The following PSD3 variants were observed in gnomAD, a reference collection of about 807,000 sequenced individuals.
PSD3 encodes PH and SEC7 domain-containing protein 3.
In PSD3, 49 loss-of-function variants were observed where a neutral mutation model predicts 105.5. The observed-to-expected ratio is 0.46, with a 90% confidence interval of 0.37 to 0.59. The LOEUF (loss-of-function observed/expected upper bound fraction) is 0.59. Among genes scored for constraint, PSD3 ranks in the 20% least tolerant of loss-of-function variants. PSD3 has a pLI of 0.00. For synonymous variants in PSD3, 557 were observed against 457.8 expected (o/e 1.22, Z -2.77); for missense variants, 1,561 against 1,263.8 (o/e 1.24, Z -3.57).
intron 9 of PSD3, among the ~76,000 whole-genome samples, chr8:18,745,522 CT>C (rs1804936588): frequency 6.6e-6 from 1 of 152,228 alleles, no homozygotes; most frequent in Admixed American, 6.5e-5. Flanking sequence ...TGAGCACTTA[CT>C]TTCTGGCACC....
intron 8 of PSD3, chr8:18,786,930 A>C (rs1186543662): frequency 3.9e-5 from 6 of 152,242 alleles, no homozygotes; most frequent in Non-Finnish European, 7.3e-5. Flanking sequence ...CCTTCCACTC[A>C]GGCGTTTATA....
At chr8:18,925,580 A>T (rs958762439) in intron 2 of PSD3, among the ~76,000 whole-genome samples, 2 of 152,164 alleles carry the variant, frequency 1.3e-5, no homozygotes, top group Admixed American at 1.3e-4. Flanking sequence ...GTGCCAACGT[A>T]ACACAAGCGG....
intron 2 of PSD3, among the ~76,000 whole-genome samples, chr8:18,909,385 G>T (rs1336193243): frequency 1.3e-5 from 2 of 152,106 alleles, no homozygotes; most frequent in Non-Finnish European, 2.9e-5. Context: ...ACAAAATATT[G>T]TTGCATAAAG....
At chr8:18,985,028 G>A (rs1825432474) in intron 1 of PSD3, among the ~76,000 whole-genome samples, 1 of 152,194 alleles carries the variant, frequency 6.6e-6, no homozygotes, top group African/African-American at 2.4e-5. Context: ...CTGCCCTCCA[G>A]GTTCAAGCGA....
intron 4 of PSD3, among the ~76,000 whole-genome samples, chr8:18,866,201 C>T (rs746570279): frequency 9.9e-5 from 15 of 152,212 alleles, no homozygotes; most frequent in Non-Finnish European, 1.3e-4. Flanking sequence ...TCCTCAGAGA[C>T]GAAGGTGAAA....
Position 18,683,962 on chromosome 8 carries a change from G to C in PSD3, c.2173-28277C>G, listed in dbSNP as rs770140966. 22 of 751,422 alleles carry C rather than the reference G, an allele frequency of 2.9e-5. No homozygotes were observed. The Admixed American group carries it at 3.6e-4, about 12-fold the overall frequency. 46.5% of individuals were successfully genotyped at this position (751,422 alleles called of 1,614,324 possible). ...GAAGGTCAACTAAGGAAGGGGTTTA[G>C]AGAAATAAAAAGGCACTTTCCAACC... On this transcript the variant is annotated intron_variant, in intron 9 of 15. Transcript: ENST00000327040.
At chr8:18,833,972 A>G (rs558785070) in intron 4 of PSD3, among the ~76,000 whole-genome samples, 33 of 152,276 alleles carry the variant, frequency 2.2e-4, no homozygotes, top group African/African-American at 7.9e-4. Flanking sequence ...AAATTCTACC[A>G]AGAATAAAAT....
At chr8:19,059,194 G>T (rs1470371982) in intron 1 of PSD3, among the ~76,000 whole-genome samples, 1 of 152,196 alleles carries the variant, frequency 6.6e-6, no homozygotes, top group East Asian at 1.9e-4. Context: ...ATAACACCCA[G>T]TTGTGGGTGA....
At chr8:18,724,910 G>T (rs1453164403) in intron 9 of PSD3, among the ~76,000 whole-genome samples, 4 of 152,178 alleles carry the variant, frequency 2.6e-5, no homozygotes, top group Non-Finnish European at 5.9e-5. Context: ...AACAATGGGA[G>T]ATGTGGAATG....
chr8:18,748,947 A>C (rs994874719), intron 9 of PSD3, among the ~76,000 whole-genome samples: 2 of 152,220 alleles, frequency 1.3e-5, no homozygotes, highest in Admixed American at 1.3e-4. Context: ...TGGAGCTTTT[A>C]AAAGTTTAGA....
intron 9 of PSD3, among the ~76,000 whole-genome samples, chr8:18,708,380 C>A (rs995223774): frequency 2.0e-5 from 3 of 152,104 alleles, no homozygotes; most frequent in African/African-American, 7.2e-5. Flanking sequence ...CCACTTTCCA[C>A]CTATGTGAAT....
chr8:18,629,737 A>G (rs1164609980), intron 11 of PSD3, among the ~76,000 whole-genome samples: 5 of 151,972 alleles, frequency 3.3e-5, no homozygotes, highest in Non-Finnish European at 7.4e-5. Context: ...CCAAAAGTAC[A>G]GTTAAACTTT....
At chr8:18,567,023 T>C (rs1465439781) in intron 14 of PSD3, among the ~76,000 whole-genome samples, 2 of 152,190 alleles carry the variant, frequency 1.3e-5, no homozygotes, top group Non-Finnish European at 2.9e-5. Flanking sequence ...CAGTACATTT[T>C]TTAAAGTATA....
intron 12 of PSD3, among the ~76,000 whole-genome samples, chr8:18,592,654 G>C (rs1803696500): frequency 6.6e-6 from 1 of 152,092 alleles, no homozygotes; most frequent in Non-Finnish European, 1.5e-5. Flanking sequence ...TCCAGGGCCA[G>C]AAGTGACTGT....
At chr8:19,054,121 G>T (rs183907161) in intron 1 of PSD3, among the ~76,000 whole-genome samples, 1 of 152,288 alleles carries the variant, frequency 6.6e-6, no homozygotes, top group East Asian at 1.9e-4. Flanking sequence ...ATCCTCTAGG[G>T]CCTTTCTCCT....
chr8:18,734,669 T>C (rs574210047), intron 9 of PSD3, among the ~76,000 whole-genome samples: 2 of 152,194 alleles, frequency 1.3e-5, no homozygotes, highest in African/African-American at 4.8e-5. Flanking sequence ...AAGCAATGAA[T>C]GTACAGTGTT....
chr8:18,752,022 TAA>T (rs35624374), intron 9 of PSD3, among the ~76,000 whole-genome samples: 18 of 104,192 alleles, frequency 1.7e-4, no homozygotes, highest in African/African-American at 6.3e-4. Flanking sequence ...TAAAAATACA[TAA>T]AAAAAAAAAA....
intron 4 of PSD3, among the ~76,000 whole-genome samples, chr8:18,834,648 G>T (rs975979981): frequency 6.6e-6 from 1 of 152,174 alleles, no homozygotes. Flanking sequence ...TGAACTGAAA[G>T]GTCACATAAA....
At chr8:18,543,575 G>A (rs1375477265) in intron 15 of PSD3, among the ~76,000 whole-genome samples, 2 of 151,446 alleles carry the variant, frequency 1.3e-5, no homozygotes, top group Non-Finnish European at 2.9e-5. Context: ...CTTAGATCAC[G>A]CCACTGCACT....
Sources: gnomAD v4.1 joint callset for allele counts (sites outside exome capture counted in the v4.1 genomes callset) on GRCh38, gnomAD v4.1.1 for gene constraint, MANE v1.5 for transcripts, NCBI Gene and HGNC (gene_info 2026-07-23, HGNC 2026-07-21) for gene names.